The following OTOA variants were observed in gnomAD, a reference collection of about 807,000 sequenced individuals.
OTOA encodes the protein otoancorin, also known as cancer/testis antigen 108.
A neutral mutation model predicts 110.8 loss-of-function variants in OTOA; 70 were observed. That is an observed-to-expected ratio of 0.63 (90% CI 0.52 to 0.77). The LOEUF (loss-of-function observed/expected upper bound fraction) is 0.77. OTOA is among the 30% of genes least tolerant of loss of function. The probability of loss-of-function intolerance (pLI) is 0.00; values close to 1 mark genes in which losing one functional copy is unlikely to be tolerated. For synonymous variants in OTOA, 373 were observed against 431.5 expected (o/e 0.86, Z 1.68); for missense variants, 917 against 1,075.8 (o/e 0.85, Z 2.06).
intron 17 of OTOA, among the ~76,000 whole-genome samples, chr16:21,721,144 A>G (rs2141707292): frequency 6.6e-6 from 1 of 150,422 alleles, no homozygotes; most frequent in East Asian, 2.0e-4. Context: ...TGAACTCCTG[A>G]CCTCCAGTGA....
At chr16:21,714,807 G>T (rs1036371808) in intron 13 of OTOA, among the ~76,000 whole-genome samples, 178 bp from the exon 14 acceptor site, 1 of 152,130 alleles carries the variant, frequency 6.6e-6, no homozygotes, top group Non-Finnish European at 1.5e-5. Flanking sequence ...ACCATGCCTG[G>T]CCAACTCTCT....
At chr16:21,728,105 T>C in intron 19 of OTOA, 136 bp from the exon 20 acceptor site, 1 of 1,060,720 alleles carries the variant, frequency 9.4e-7, no homozygotes. Flanking sequence ...CCTCAAATGA[T>C]CTGTCTGCCT....
At chr16:21,680,784 C>T (rs544124151) in intron 5 of OTOA, among the ~76,000 whole-genome samples, 6 of 148,072 alleles carry the variant, frequency 4.1e-5, no homozygotes, top group Admixed American at 2.1e-4. Context: ...ACCTGGGAGG[C>T]GGAGGTTGCA....
At chr16:21,726,979 G>A in intron 19 of OTOA, 1 of 344,958 alleles carries the variant, frequency 2.9e-6, no homozygotes. Flanking sequence ...CTTCTCATCT[G>A]TAAGGTGGGG....
At chr16:21,709,468 T>A (rs1295366999) in intron 12 of OTOA, among the ~76,000 whole-genome samples, 1 of 151,902 alleles carries the variant, frequency 6.6e-6, no homozygotes, top group Non-Finnish European at 1.5e-5. Context: ...TTACACAGAT[T>A]ATAAATTATC....
At chr16:21,714,893 A>G (rs574363614) in intron 13 of OTOA, 92 bp from the exon 14 acceptor site, 119 of 1,544,434 alleles carry the variant, frequency 7.7e-5, no homozygotes, top group Admixed American at 1.0e-4. Flanking sequence ...GGTGTCACCC[A>G]TCCCTATACT....
At position 21,688,428 on chromosome 16, in the gene OTOA, A is replaced by C. The variant is rs551991601; in HGVS notation, c.635+780A>C. 3.9e-5 allele frequency among the ~76,000 whole-genome samples: 6 copies of C among 152,162 alleles called. No individual in the cohort carries two copies. The East Asian group carries it at 7.7e-4, about 20-fold the overall frequency. On this transcript the variant is annotated intron_variant, in intron 8 of 28. Transcript: ENST00000646100. ...ACAAACAAAAAACAAAAACAAAAAAACCCACATAAATAAATACAGTGGGAA... is the reference window on the plus strand; with the variant it reads ...ACAAACAAAAAACAAAAACAAAAAACCCCACATAAATAAATACAGTGGGAA...
chr16:21,696,473 G>A (rs1183951307), intron 9 of OTOA, among the ~76,000 whole-genome samples: 2 of 152,112 alleles, frequency 1.3e-5, no homozygotes, highest in African/African-American at 2.4e-5. Flanking sequence ...AGTTTGCTTT[G>A]GTTCAAGTAT....
Position 21,681,731 on chromosome 16 carries a change from A to G in OTOA, c.180-7A>G. On this transcript the variant is annotated splice_region_variant and splice_polypyrimidine_tract_variant and intron_variant, in intron 5 of 28. Coordinates refer to ENST00000646100, the MANE Select transcript of OTOA (RefSeq NM_144672.4). ...TGTGATCTTTTCCTGTCTGTCTTCA[A>G]CTGAAGCTCCCACGTGTGGACGGAT... The G allele has an allele frequency of 6.2e-7, 1 of 1,611,998 alleles. No homozygotes were observed.
intron 1 of OTOA, among the ~76,000 whole-genome samples, chr16:21,672,352 G>T (rs934138397): frequency 1.3e-5 from 2 of 152,190 alleles, no homozygotes; most frequent in Middle Eastern, 3.4e-3. Context: ...GCCGGGCACG[G>T]TGGCTCACGC....
chr16:21,719,486 C>T lies in OTOA; in HGVS notation c.1788C>T (p.Ala596=). 1 of 1,614,012 alleles carries T rather than the reference C, an allele frequency of 6.2e-7. No homozygotes were observed. The highest frequency in any genetic ancestry group is 8.5e-7 in the Non-Finnish European group (1 of 1,179,946). Residue 596 remains alanine (A), a synonymous_variant, in exon 17 of 29, where the codon GCC becomes GCT. Coordinates refer to ENST00000646100, the MANE Select transcript of OTOA (RefSeq NM_144672.4). ...TCCAGGATTTTCAGAACAACTTCGC[C>T]CTGCTTTCACCCTATCAGGTACCGT... is the stretch of plus-strand genomic sequence containing the variant. ...AHFQDFQNNF[A]LLSPYQVNCL...
intron 19 of OTOA, among the ~76,000 whole-genome samples, chr16:21,727,861 CTTTT>C (rs1247263694): frequency 1.5e-5 from 2 of 133,898 alleles, no homozygotes; most frequent in Non-Finnish European, 1.6e-5. Context: ...GGGATCGGAA[CTTTT>C]TTTTTTTTTT....
intron 9 of OTOA, among the ~76,000 whole-genome samples, chr16:21,695,228 C>T (rs1053659364): frequency 7.1e-6 from 1 of 141,208 alleles, no homozygotes; most frequent in Non-Finnish European, 1.6e-5. Context: ...AGTGAGACCC[C>T]CCCCCCCCAT....
At chr16:21,714,918 G>T in intron 13 of OTOA, 67 bp from the exon 14 acceptor site, 3 of 1,602,376 alleles carry the variant, frequency 1.9e-6, no homozygotes, top group Non-Finnish European at 2.6e-6. Flanking sequence ...ACATAGATGG[G>T]CTGAGTGCAC....
chr16:21,728,272 A>G lies in OTOA; in HGVS notation c.2048A>G (p.Asp683Gly). The change falls in exon 20 of 29, where the codon GAC becomes GGC. Residue 683 changes from aspartate (D) to glycine (G), a missense_variant. Physicochemically the swap from Asp to Gly is moderately conservative, Grantham distance 94. Around this residue, in one of 6 missense-constraint regions of OTOA, gnomAD observed 840 missense variants for 910.2 expected, o/e 0.92. Transcript: ENST00000646100. ...TCCATTGCTGATGAGTACACTGTGGACATCATGGGGAACCTGCTGTGTCAC... is the reference window on the plus strand; with the variant it reads ...TCCATTGCTGATGAGTACACTGTGGGCATCATGGGGAACCTGCTGTGTCAC... ...DDSIADEYTV[D>G]IMGNLLCHLP... The G allele has an allele frequency of 6.2e-7, 1 of 1,614,106 alleles. No homozygotes were observed. The highest frequency in any genetic ancestry group is 2.2e-5 in the East Asian group (1 of 44,868).
chr16:21,720,755 C>A (rs1464170515), intron 17 of OTOA, among the ~76,000 whole-genome samples: 1 of 152,190 alleles, frequency 6.6e-6, no homozygotes, highest in Non-Finnish European at 1.5e-5. Context: ...GGAAGCTAGA[C>A]CTGCTTTGAG....
intron 9 of OTOA, among the ~76,000 whole-genome samples, chr16:21,692,652 G>A (rs1306593660): frequency 6.6e-6 from 1 of 152,032 alleles, no homozygotes; most frequent in Non-Finnish European, 1.5e-5. Context: ...GGTGGGCCGG[G>A]CATGGTGGCT....
chr16:21,721,555 AAAG>A, intron 17 of OTOA: 2 of 450,918 alleles, frequency 4.4e-6, no homozygotes, highest in Non-Finnish European at 8.9e-6. Flanking sequence ...AGGTAACTAT[AAAG>A]AACAGTTTGC....
chr16:21,702,031 A>G (rs1452214169), intron 11 of OTOA, among the ~76,000 whole-genome samples: 1 of 134,098 alleles, frequency 7.5e-6, no homozygotes, highest in African/African-American at 2.9e-5. Context: ...GCTCACTACA[A>G]CCTCCACCTC....
Sources: gnomAD v4.1 joint callset for allele counts (sites outside exome capture counted in the v4.1 genomes callset) on GRCh38, gnomAD v4.1.1 for gene constraint, gnomAD v4.1.1 regional missense constraint, MANE v1.5 for transcripts, NCBI Gene and HGNC (gene_info 2026-07-23, HGNC 2026-07-21) for gene names.